The following ZFHX3 variants were observed in gnomAD, a reference collection of about 807,000 sequenced individuals.
ZFHX3 encodes zinc finger homeobox 3, also known as zinc finger homeobox protein 3.
ZFHX3 carries 42 observed loss-of-function variants against 279.1 expected under a neutral mutation model. The observed-to-expected ratio is 0.15, with a 90% confidence interval of 0.12 to 0.19. The LOEUF is 0.19. ZFHX3 is among the 10% of genes least tolerant of loss of function. The pLI, the probability that ZFHX3 is intolerant of heterozygous loss-of-function variation, is 1.00. For synonymous variants in ZFHX3, 2,293 were observed against 1,957.8 expected, an observed-to-expected ratio of 1.17 and a Z score of -4.52; for missense variants, 4,981 against 4,754.0, an observed-to-expected ratio of 1.05 and a Z score of -1.40.
intron 3 of ZFHX3, among the ~76,000 whole-genome samples, chr16:73,437,791 C>A (rs74028649): frequency 0.027 from 4,082 of 152,212 alleles, 168 homozygotes; most frequent in African/African-American, 0.091. Context: ...AAAAGAAAGT[C>A]AAATCTCGCT....
At chr16:72,821,507 G>A (rs1158894020) in intron 5 of ZFHX3, among the ~76,000 whole-genome samples, 1 of 152,210 alleles carries the variant, frequency 6.6e-6, no homozygotes, top group African/African-American at 2.4e-5. Flanking sequence ...AAGACATGGG[G>A]AGGCGGTTCT....
intron 1 of ZFHX3, among the ~76,000 whole-genome samples, chr16:72,992,047 T>G (rs1340443122): frequency 6.6e-6 from 1 of 152,090 alleles, no homozygotes; most frequent in East Asian, 1.9e-4. Flanking sequence ...ATGCCCTGAG[T>G]TGGGGGCAGA....
intron 2 of ZFHX3, among the ~76,000 whole-genome samples, chr16:73,641,298 G>A (rs1597042212): frequency 6.6e-6 from 1 of 152,116 alleles, no homozygotes; most frequent in African/African-American, 2.4e-5. Flanking sequence ...CCAGGAGAGA[G>A]GAAATGGGGC....
intron 2 of ZFHX3, among the ~76,000 whole-genome samples, chr16:73,650,432 C>T (rs936864656): frequency 1.3e-5 from 2 of 152,014 alleles, no homozygotes; most frequent in Admixed American, 6.5e-5. Context: ...GTAAGTGCTA[C>T]CCCCAGCCCT....
At chr16:73,688,541 C>T (rs915057244) in intron 1 of ZFHX3, among the ~76,000 whole-genome samples, 5 of 152,066 alleles carry the variant, frequency 3.3e-5, no homozygotes, top group African/African-American at 1.2e-4. Flanking sequence ...TGCAAAGGCG[C>T]CCTGTATGAA....
intron 2 of ZFHX3, among the ~76,000 whole-genome samples, chr16:73,587,451 CA>C (rs2051939233): frequency 6.6e-6 from 1 of 152,132 alleles, no homozygotes; most frequent in Non-Finnish European, 1.5e-5. Context: ...TAACTTTTGC[CA>C]AAATGCTTTT....
chr16:73,825,893 T>C (rs1397042523), intron 1 of ZFHX3, among the ~76,000 whole-genome samples: 4 of 99,072 alleles, frequency 4.0e-5, no homozygotes, highest in African/African-American at 2.0e-4. Flanking sequence ...GGGCTCTTTT[T>C]TGGTTCCATA....
At chr16:72,890,787 T>C (rs1247526305) in intron 3 of ZFHX3, among the ~76,000 whole-genome samples, 2 of 152,250 alleles carry the variant, frequency 1.3e-5, no homozygotes, top group African/African-American at 4.8e-5. Context: ...TTTTTGTAAA[T>C]AAAGTTTTAT....
intron 2 of ZFHX3, among the ~76,000 whole-genome samples, chr16:73,574,490 C>A (rs781226081): frequency 2.0e-5 from 3 of 152,276 alleles, no homozygotes; most frequent in South Asian, 2.1e-4. Context: ...AAATCAAATT[C>A]TTTGGGAGTA....
At chr16:72,952,063 C>G (rs1961026623) in intron 2 of ZFHX3, among the ~76,000 whole-genome samples, 1 of 152,130 alleles carries the variant, frequency 6.6e-6, no homozygotes. Context: ...CCAGTCTGAG[C>G]AACATGGTGT....
chr16:73,763,369 A>G (rs933314451), intron 1 of ZFHX3, among the ~76,000 whole-genome samples: 17 of 152,216 alleles, frequency 1.1e-4, no homozygotes, highest in African/African-American at 4.1e-4. Context: ...AATCAATTCT[A>G]ATTAATGTCT....
At chr16:73,877,705 A>G (rs2029999194) in intron 1 of ZFHX3, among the ~76,000 whole-genome samples, 3 of 152,190 alleles carry the variant, frequency 2.0e-5, no homozygotes, top group Admixed American at 2.0e-4. Flanking sequence ...GGAAATATAG[A>G]TTATATTCAG....
chr16:73,419,365 G>C (rs1168628565), intron 3 of ZFHX3, among the ~76,000 whole-genome samples: 2 of 152,172 alleles, frequency 1.3e-5, no homozygotes, highest in East Asian at 3.8e-4. Flanking sequence ...TGACTCATGT[G>C]AGTGTGACTT....
intron 1 of ZFHX3, among the ~76,000 whole-genome samples, chr16:73,870,471 G>A (rs1340765226): frequency 6.6e-6 from 1 of 152,134 alleles, no homozygotes; most frequent in Non-Finnish European, 1.5e-5. Flanking sequence ...AAGCCAAAGC[G>A]GCTTCACACT....
At chr16:72,866,232 T>A (rs559610331) in intron 4 of ZFHX3, among the ~76,000 whole-genome samples, 2 of 151,790 alleles carry the variant, frequency 1.3e-5, no homozygotes, top group South Asian at 4.2e-4. Context: ...AGAGGGAGGG[T>A]CAGAAAGAAG....
At chr16:72,837,699 C>T (rs2037232925) in intron 4 of ZFHX3, among the ~76,000 whole-genome samples, 1 of 151,832 alleles carries the variant, frequency 6.6e-6, no homozygotes. Context: ...CTCCTGGCCT[C>T]AAGTGATCCT....
At position 72,812,021 on chromosome 16, in the gene ZFHX3, C is replaced by G. The variant is rs1167212887; in HGVS notation, c.3547G>C (p.Glu1183Gln). 1 of 1,614,136 alleles carries G rather than the reference C, an allele frequency of 6.2e-7. No individual in the cohort carries two copies. Among genetic ancestry groups the G allele is most frequent in the Non-Finnish European group, 8.5e-7 (1 of 1,180,022 alleles). ...GCAGGAGAATCTGTCAGCTCCTTCT[C>G]TGCTTGGCTGGACGATGCTAAAAGA... The part of the protein sequence containing the change: ...QEGGASSSQA[E>Q]KELTDSPATS... Residue 1183 changes from glutamate (E) to glutamine (Q), a missense_variant, in exon 6 of 10, where the codon GAG (glutamate) becomes CAG (glutamine). Glu to Gln is a conservative substitution (Grantham distance 29, BLOSUM62 2). Transcript: ENST00000268489.
chr16:72,913,646 C>A (rs1232776919), intron 3 of ZFHX3, among the ~76,000 whole-genome samples: 1 of 152,140 alleles, frequency 6.6e-6, no homozygotes, highest in Admixed American at 6.5e-5. Flanking sequence ...AGACTTTACT[C>A]ATTAAAAAGA....
chr16:73,352,474 CTTTTTTTTT>C (rs35974156), intron 3 of ZFHX3, among the ~76,000 whole-genome samples: 42 of 53,272 alleles, frequency 7.9e-4, no homozygotes, highest in Admixed American at 4.5e-3. Flanking sequence ...CTCTCTCTCT[CTTTTTTTTT>C]TTTTTTTTTT....
Sources: gnomAD v4.1 joint callset for allele counts (sites outside exome capture counted in the v4.1 genomes callset) on GRCh38, gnomAD v4.1.1 for gene constraint, MANE v1.5 for transcripts, NCBI Gene and HGNC (gene_info 2026-07-23, HGNC 2026-07-21) for gene names.